Variants in DISC1 observed in about 807,000 individuals in gnomAD.
The protein encoded by DISC1 is disrupted in schizophrenia 1 protein.
A neutral mutation model predicts 84.5 loss-of-function variants in DISC1; 57 were observed. The observed-to-expected ratio is 0.67, with a 90% confidence interval of 0.55 to 0.84. The LOEUF (loss-of-function observed/expected upper bound fraction) is 0.84. Among genes scored for constraint, DISC1 ranks in the 40% least tolerant of loss-of-function variants. The probability of loss-of-function intolerance (pLI) is 0.00; values close to 1 mark genes in which losing one functional copy is unlikely to be tolerated. For synonymous variants in DISC1, 411 were observed against 415.2 expected (o/e 0.99, Z 0.12); for missense variants, 1,000 against 1,057.8 (o/e 0.95, Z 0.76).
At chr1:231,873,156 C>T (rs567291325) in intron 9 of DISC1, among the ~76,000 whole-genome samples, 1 of 152,338 alleles carries the variant, frequency 6.6e-6, no homozygotes, top group African/African-American at 2.4e-5. Flanking sequence ...CCGACAAGAA[C>T]TTCCGCTGTA....
intron 11 of DISC1, among the ~76,000 whole-genome samples, chr1:232,019,937 A>G (rs1668802274): frequency 6.6e-6 from 1 of 152,164 alleles, no homozygotes; most frequent in Non-Finnish European, 1.5e-5. Flanking sequence ...TGAACCCTCC[A>G]GGAATTGAGA....
At chr1:231,763,471 T>TA (rs2075935442) in intron 4 of DISC1, among the ~76,000 whole-genome samples, 1 of 152,232 alleles carries the variant, frequency 6.6e-6, no homozygotes, top group South Asian at 2.1e-4. Flanking sequence ...TGTCATATGT[T>TA]ACAATAAGTG....
intron 1 of DISC1, among the ~76,000 whole-genome samples, chr1:231,651,417 G>A (rs1010684813): frequency 1.3e-5 from 2 of 152,186 alleles, no homozygotes; most frequent in Non-Finnish European, 2.9e-5. Flanking sequence ...AGCAAATATT[G>A]CAGAACAGTA....
intron 8 of DISC1, 101 bp from the exon 9 acceptor site, chr1:231,818,228 T>G: frequency 8.3e-7 from 1 of 1,198,782 alleles, no homozygotes; most frequent in South Asian, 1.2e-5. Context: ...TGCAGTTTCT[T>G]TGCCCATGCT....
At chr1:231,715,312 A>G (rs1359475491) in intron 3 of DISC1, among the ~76,000 whole-genome samples, 1 of 152,248 alleles carries the variant, frequency 6.6e-6, no homozygotes, top group Non-Finnish European at 1.5e-5. Context: ...TGAGAGCAGC[A>G]TATGAATTTA....
rs146347809 is a variant in DISC1, at chr1:231,874,314, C to T, written c.1981+55797C>T. On this transcript the variant is annotated intron_variant, in intron 9 of 12. Coordinates refer to ENST00000439617, the MANE Select transcript of DISC1 (RefSeq NM_018662.3). ...CTGGGACTACAGGCGCACACCACCA[C>T]GCCCAACTATTTTATTTTTATTTTT... Among the ~76,000 whole-genome samples, 517 of 152,096 alleles carry T rather than the reference C, an allele frequency of 3.4e-3. 4 individuals are homozygous for T. Among genetic ancestry groups the T allele is most frequent in the African/African-American group, 0.012 (504 of 41,526 alleles).
At chr1:231,646,516 A>G (rs2060148772) in intron 1 of DISC1, among the ~76,000 whole-genome samples, 1 of 152,184 alleles carries the variant, frequency 6.6e-6, no homozygotes, top group East Asian at 1.9e-4. Context: ...TTGGGTATAT[A>G]AATAGCAATT....
intron 11 of DISC1, among the ~76,000 whole-genome samples, chr1:232,019,360 A>T (rs78062480): frequency 6.6e-6 from 1 of 152,142 alleles, no homozygotes; most frequent in South Asian, 2.1e-4. Flanking sequence ...GAAAGGAAAA[A>T]AATAATAATT....
chr1:231,820,738 A>G (rs1257979498), intron 9 of DISC1, among the ~76,000 whole-genome samples: 1 of 152,208 alleles, frequency 6.6e-6, no homozygotes, highest in East Asian at 1.9e-4. Context: ...CCCTTTAAGT[A>G]CGCTTTTAGA....
intron 3 of DISC1, among the ~76,000 whole-genome samples, chr1:231,744,606 TG>T (rs1340573637): frequency 1.3e-5 from 2 of 152,104 alleles, no homozygotes; most frequent in South Asian, 2.1e-4. Context: ...ATATATGTAA[TG>T]GGTGAGAGAC....
intron 1 of DISC1, among the ~76,000 whole-genome samples, chr1:231,688,541 A>G (rs574946971): frequency 1.8e-4 from 28 of 152,252 alleles, no homozygotes; most frequent in Admixed American, 1.8e-3. Flanking sequence ...CTTTAATCCG[A>G]TGAGGTGGTT....
At chr1:231,781,838 G>T (rs577191840) in intron 6 of DISC1, among the ~76,000 whole-genome samples, 1 of 152,320 alleles carries the variant, frequency 6.6e-6, no homozygotes, top group African/African-American at 2.4e-5. Flanking sequence ...AGAAGTTTTG[G>T]AATCTTCCAG....
intron 8 of DISC1, among the ~76,000 whole-genome samples, chr1:231,801,035 C>T (rs2079195099): frequency 1.3e-5 from 2 of 152,090 alleles, no homozygotes; most frequent in South Asian, 4.1e-4. Context: ...AAAAATTTAA[C>T]AAAAAGTTAT....
In DISC1 at chr1:231,850,477, C is replaced by T. The variant is rs1231139685; in HGVS notation, c.1981+31960C>T. 2.6e-5 allele frequency among the ~76,000 whole-genome samples: 4 copies of T among 152,208 alleles called. No homozygotes were observed. In the East Asian group the frequency reaches 7.7e-4, roughly 29 times the overall value. ...CACATGTCCTTGGGGTGATGAAAAT[C>T]TTCCCGAGTTGTGCGGAGCACAAAG... On this transcript the variant is annotated intron_variant, in intron 9 of 12. Transcript: ENST00000439617.
intron 6 of DISC1, among the ~76,000 whole-genome samples, chr1:231,785,727 CAG>C (rs1455521051): frequency 5.3e-5 from 8 of 152,216 alleles, no homozygotes; most frequent in East Asian, 1.9e-4. Flanking sequence ...AAACAAGAAA[CAG>C]GGGATGGGAT....
chr1:231,650,727 A>G (rs1475662099), intron 1 of DISC1, among the ~76,000 whole-genome samples: 2 of 152,164 alleles, frequency 1.3e-5, no homozygotes, highest in South Asian at 2.1e-4. Context: ...GTCTTTTCAC[A>G]TAGTCTCATA....
chr1:231,769,539 G>T (rs1022301383), intron 5 of DISC1, among the ~76,000 whole-genome samples: 1 of 152,210 alleles, frequency 6.6e-6, no homozygotes, highest in African/African-American at 2.4e-5. Context: ...GATTCCACTT[G>T]TCTGAGTTAC....
intron 9 of DISC1, among the ~76,000 whole-genome samples, chr1:231,924,215 G>A (rs546761980): frequency 6.6e-6 from 1 of 152,192 alleles, no homozygotes; most frequent in East Asian, 1.9e-4. Context: ...AAGGCACAGG[G>A]TAAAGCCTGC....
chr1:232,005,782 A>T (rs1262843924), intron 10 of DISC1, among the ~76,000 whole-genome samples: 2 of 152,252 alleles, frequency 1.3e-5, no homozygotes, highest in African/African-American at 4.8e-5. Flanking sequence ...AATTAAAAGT[A>T]TCTGAAACTT....
Sources: allele counts gnomAD v4.1 joint callset (sites outside exome capture counted in the v4.1 genomes callset), GRCh38; gene constraint gnomAD v4.1.1; transcripts MANE v1.5; gene names NCBI Gene and HGNC (gene_info 2026-07-23, HGNC 2026-07-21).